The following PDE3A variants were observed in gnomAD, a reference collection of about 807,000 sequenced individuals.
The protein encoded by PDE3A is cGMP-inhibited 3',5'-cyclic phosphodiesterase 3A.
PDE3A carries 43 observed loss-of-function variants against 98.3 expected under a neutral mutation model. The observed-to-expected ratio is 0.44, with a 90% CI of 0.34 to 0.56. The LOEUF (loss-of-function observed/expected upper bound fraction) is 0.56. Ranked by LOEUF, PDE3A falls within the 20% of genes least tolerant of loss-of-function variation. The pLI is 0.01. For missense variants in PDE3A, 1,427 were observed against 1,440.7 expected (o/e 0.99, Z 0.15); for synonymous variants, 663 against 567.9 (o/e 1.17, Z -2.38).
intron 1 of PDE3A, among the ~76,000 whole-genome samples, chr12:20,451,832 A>G (rs1261119744): frequency 1.3e-5 from 2 of 152,316 alleles, no homozygotes; most frequent in East Asian, 3.9e-4. Context: ...ATCTGTGCCT[A>G]TAACGTGGTT....
intron 1 of PDE3A, among the ~76,000 whole-genome samples, chr12:20,414,817 A>G (rs1465840709): frequency 6.6e-6 from 1 of 152,036 alleles, no homozygotes; most frequent in East Asian, 1.9e-4. Flanking sequence ...TCTTGTAGCT[A>G]TTTTTTCTCA....
intron 10 of PDE3A, among the ~76,000 whole-genome samples, chr12:20,641,707 G>T (rs564273711): frequency 6.6e-6 from 1 of 152,048 alleles, no homozygotes; most frequent in South Asian, 2.1e-4. Context: ...ACAAAAATAA[G>T]TTTTCAGATT....
chr12:20,484,235 A>G (rs1269784492), intron 1 of PDE3A, among the ~76,000 whole-genome samples: 1 of 152,206 alleles, frequency 6.6e-6, no homozygotes, highest in Non-Finnish European at 1.5e-5. Flanking sequence ...CAAAGTAGTT[A>G]CTATAATTTC....
intron 1 of PDE3A, among the ~76,000 whole-genome samples, chr12:20,443,495 T>G (rs552890174): frequency 6.6e-6 from 1 of 152,166 alleles, no homozygotes; most frequent in Non-Finnish European, 1.5e-5. Flanking sequence ...AGACATGAAA[T>G]TAGGAAATCG....
chr12:20,416,171 T>C (rs1327650357), intron 1 of PDE3A, among the ~76,000 whole-genome samples: 1 of 152,130 alleles, frequency 6.6e-6, no homozygotes, highest in Non-Finnish European at 1.5e-5. Context: ...ATTTCCCAAG[T>C]TGGTATATGG....
At chr12:20,493,496 A>G (rs574977207) in intron 1 of PDE3A, among the ~76,000 whole-genome samples, 1 of 152,336 alleles carries the variant, frequency 6.6e-6, no homozygotes, top group South Asian at 2.1e-4. Flanking sequence ...CTATTTATCT[A>G]TGAGGGTCCT....
chr12:20,590,813 A>G (rs1160441376), intron 2 of PDE3A, among the ~76,000 whole-genome samples: 1 of 152,222 alleles, frequency 6.6e-6, no homozygotes, highest in Non-Finnish European at 1.5e-5. Context: ...CACCTCGGGT[A>G]TACTTGGGCC....
At chr12:20,510,102 T>C (rs1166098484) in intron 1 of PDE3A, among the ~76,000 whole-genome samples, 2 of 152,040 alleles carry the variant, frequency 1.3e-5, no homozygotes, top group Non-Finnish European at 2.9e-5. Context: ...TAAAAAATTC[T>C]AAAATGGGCT....
intron 15 of PDE3A, among the ~76,000 whole-genome samples, chr12:20,676,222 A>T (rs1003905534): frequency 1.3e-5 from 2 of 152,038 alleles, no homozygotes; most frequent in Non-Finnish European, 2.9e-5. Flanking sequence ...TTGCTTTCAC[A>T]TGTCAGCCTC....
chr12:20,437,428 C>A (rs909850871), intron 1 of PDE3A, among the ~76,000 whole-genome samples: 1 of 152,022 alleles, frequency 6.6e-6, no homozygotes, highest in African/African-American at 2.4e-5. Flanking sequence ...TTACCCATAC[C>A]TGAGGCTGGG....
chr12:20,404,188 G>A (rs2120675714), intron 1 of PDE3A, among the ~76,000 whole-genome samples: 1 of 152,226 alleles, frequency 6.6e-6, no homozygotes, highest in East Asian at 1.9e-4. Context: ...AGGAATATGT[G>A]CTGATTTCTT....
intron 1 of PDE3A, among the ~76,000 whole-genome samples, chr12:20,472,284 A>G (rs1229551772): frequency 6.6e-6 from 1 of 152,168 alleles, no homozygotes; most frequent in Non-Finnish European, 1.5e-5. Flanking sequence ...AACTACTTGC[A>G]TATTCCTTTT....
At chr12:20,474,121 T>A (rs1162309176) in intron 1 of PDE3A, among the ~76,000 whole-genome samples, 1 of 152,198 alleles carries the variant, frequency 6.6e-6, no homozygotes, top group African/African-American at 2.4e-5. Flanking sequence ...TGAATTCTAG[T>A]TGTCCTATAT....
intron 1 of PDE3A, among the ~76,000 whole-genome samples, chr12:20,396,019 C>T (rs1187838189): frequency 6.6e-6 from 1 of 151,922 alleles, no homozygotes; most frequent in Non-Finnish European, 1.5e-5. Flanking sequence ...CCTTGGCATC[C>T]CAAAACACTG....
At chr12:20,396,167 C>T (rs1400179173) in intron 1 of PDE3A, among the ~76,000 whole-genome samples, 2 of 152,060 alleles carry the variant, frequency 1.3e-5, no homozygotes, top group East Asian at 3.9e-4. Flanking sequence ...TCATAGCTCC[C>T]CAATATAAAT....
intron 1 of PDE3A, among the ~76,000 whole-genome samples, chr12:20,458,148 G>C (rs959044964): frequency 6.6e-6 from 1 of 151,854 alleles, no homozygotes; most frequent in Admixed American, 6.6e-5. Flanking sequence ...GCAGTTAGCT[G>C]TCCTGCTTAT....
chr12:20,596,598 A>G (rs945844916), intron 2 of PDE3A, among the ~76,000 whole-genome samples: 4 of 152,198 alleles, frequency 2.6e-5, no homozygotes, highest in African/African-American at 9.6e-5. Flanking sequence ...AGTCTCCACA[A>G]GAATCCACAA....
intron 5 of PDE3A, among the ~76,000 whole-genome samples, chr12:20,623,251 A>G (rs1944178732): frequency 6.6e-6 from 1 of 151,742 alleles, no homozygotes; most frequent in Admixed American, 6.6e-5. Context: ...AATGTACATG[A>G]TATATGTAAT....
chr12:20,375,744 C>A (rs1943559204), intron 1 of PDE3A, among the ~76,000 whole-genome samples: 1 of 151,814 alleles, frequency 6.6e-6, no homozygotes, highest in South Asian at 2.1e-4. Flanking sequence ...AAGTTTAGAG[C>A]CTAGTGAGAT....
Sources: gnomAD v4.1 joint callset for allele counts (sites outside exome capture counted in the v4.1 genomes callset) on GRCh38, gnomAD v4.1.1 for gene constraint, MANE v1.5 for transcripts, NCBI Gene and HGNC (gene_info 2026-07-23, HGNC 2026-07-21) for gene names.